FRMD5: variants seen among roughly 807,000 people sequenced by gnomAD.
The protein encoded by FRMD5 is FERM domain containing 5.
FRMD5 carries 20 observed loss-of-function variants against 69.0 expected under a neutral mutation model. That is an observed-to-expected ratio of 0.29 (90% CI 0.20 to 0.42). The LOEUF (loss-of-function observed/expected upper bound fraction) is 0.42. Among genes scored for constraint, FRMD5 ranks in the 10% least tolerant of loss-of-function variants. The pLI, the probability that FRMD5 is intolerant of heterozygous loss-of-function variation, is 1.00. For missense variants in FRMD5, 595 were observed against 708.6 expected (o/e 0.84, Z 1.82); for synonymous variants, 271 against 260.1 (o/e 1.04, Z -0.40).
rs779307057 is a variant in FRMD5, at chr15:43,909,834, A to G, written c.427+48T>C. 22 of 1,094,046 alleles carry G rather than the reference A, an allele frequency of 2.0e-5. No individual in the cohort carries two copies. The South Asian group carries it at 2.8e-4, about 14-fold the overall frequency. The allele number at this position is 1,094,046 out of a possible 1,614,324, so 67.8% of individuals were successfully genotyped here. ...ATCAGTGCTAACTGAAAATAATGTA[A>G]TCAGTACTTGGCATGAAAAGCAAAC... On this transcript the variant is annotated intron_variant, in intron 5 of 13. Coordinates refer to ENST00000417257, the MANE Select transcript of FRMD5 (RefSeq NM_032892.5).
At chr15:44,100,720 A>G (rs1364118138) in intron 1 of FRMD5, among the ~76,000 whole-genome samples, 1 of 152,188 alleles carries the variant, frequency 6.6e-6, no homozygotes, top group African/African-American at 2.4e-5. Flanking sequence ...AGATAGCTTG[A>G]CTTCTGAGAC....
intron 1 of FRMD5, among the ~76,000 whole-genome samples, chr15:44,022,298 G>A (rs1390736481): frequency 6.7e-6 from 1 of 149,604 alleles, no homozygotes; most frequent in African/African-American, 2.5e-5. Context: ...GGGTGCAGTT[G>A]CTCATGCGTG....
At chr15:43,881,087 T>G (rs2088514770) in intron 13 of FRMD5, among the ~76,000 whole-genome samples, 1 of 152,200 alleles carries the variant, frequency 6.6e-6, no homozygotes, top group Non-Finnish European at 1.5e-5. Flanking sequence ...AATGCTGGTT[T>G]CCTGGACATT....
chr15:43,886,088 TA>T (rs1351624591), intron 10 of FRMD5, among the ~76,000 whole-genome samples: 1 of 152,218 alleles, frequency 6.6e-6, no homozygotes, highest in Non-Finnish European at 1.5e-5. Context: ...AATGCCCATC[TA>T]ATCTCAGCCA....
At chr15:44,092,898 AG>A (rs2076493142) in intron 1 of FRMD5, among the ~76,000 whole-genome samples, 1 of 143,362 alleles carries the variant, frequency 7.0e-6, no homozygotes, top group Non-Finnish European at 1.5e-5. Flanking sequence ...TTTGCATTAT[AG>A]TAATTGTATA....
chr15:44,158,548 C>A (rs1284281945), intron 1 of FRMD5, among the ~76,000 whole-genome samples: 1 of 152,136 alleles, frequency 6.6e-6, no homozygotes, highest in Non-Finnish European at 1.5e-5. Flanking sequence ...ATATTTGTCA[C>A]CTTATCCTAA....
At chr15:43,886,052 G>A (rs577458328) in intron 10 of FRMD5, among the ~76,000 whole-genome samples, 3 of 152,254 alleles carry the variant, frequency 2.0e-5, no homozygotes, top group Admixed American at 6.5e-5. Context: ...ATACATGCTC[G>A]GGTGGATGGT....
chr15:44,185,649 T>C (rs1299199302), intron 1 of FRMD5, among the ~76,000 whole-genome samples: 1 of 151,952 alleles, frequency 6.6e-6, no homozygotes. Flanking sequence ...AAAAATTAGC[T>C]GAGCGTGGTG....
At chr15:44,189,036 T>C (rs944696166) in intron 1 of FRMD5, among the ~76,000 whole-genome samples, 1 of 152,188 alleles carries the variant, frequency 6.6e-6, no homozygotes, top group East Asian at 1.9e-4. Flanking sequence ...TTGCCAAGCA[T>C]GTGGCCCAAT....
rs569173458 is a variant in FRMD5 at position 43,964,968 on chromosome 15, C to G, written c.103-40659G>C. Among the ~76,000 whole-genome samples, 8 of 152,078 alleles carry G rather than the reference C, an allele frequency of 5.3e-5. No individual in the cohort carries two copies. In the East Asian group the frequency reaches 1.5e-3, roughly 29 times the overall value. On this transcript the variant is annotated intron_variant, in intron 1 of 13. Coordinates refer to ENST00000417257, the MANE Select transcript of FRMD5 (RefSeq NM_032892.5). ...ATTAGGGTTGCTGTGAAATAAAGGGCAAGCAAAGAAAGAGGATATGACTGA... is the reference window on the plus strand; with the variant it reads ...ATTAGGGTTGCTGTGAAATAAAGGGGAAGCAAAGAAAGAGGATATGACTGA...
intron 1 of FRMD5, among the ~76,000 whole-genome samples, chr15:44,172,063 C>T (rs1268329286): frequency 6.6e-6 from 1 of 151,350 alleles, no homozygotes; most frequent in Non-Finnish European, 1.5e-5. Context: ...CATACCCAGC[C>T]TCTGCTGGCT....
rs139902053 is a variant in FRMD5, at chr15:43,952,726, T to C, written c.103-28417A>G. ...TTCAAAGGGGCATGTGTGGCCAGTA[T>C]GCAGCCATGCGGTCAGCACGCAGCT... On this transcript the variant is annotated intron_variant, in intron 1 of 13. Transcript: ENST00000417257. 2.9e-3 allele frequency among the ~76,000 whole-genome samples: 444 copies of C among 152,376 alleles called. 2 individuals carry two copies. Among genetic ancestry groups the C allele is most frequent in the Non-Finnish European group, 5.4e-3 (369 of 68,040 alleles).
intron 1 of FRMD5, among the ~76,000 whole-genome samples, chr15:43,928,574 T>C (rs2089624735): frequency 6.6e-6 from 1 of 152,234 alleles, no homozygotes; most frequent in Non-Finnish European, 1.5e-5. Flanking sequence ...TACAACTTCC[T>C]GGGCTTGTGG....
At chr15:43,902,653 A>G (rs1338973306) in intron 6 of FRMD5, among the ~76,000 whole-genome samples, 3 of 149,326 alleles carry the variant, frequency 2.0e-5, no homozygotes, top group African/African-American at 5.0e-5. Flanking sequence ...TCACAGCCCT[A>G]CACTCCACCC....
intron 13 of FRMD5, among the ~76,000 whole-genome samples, chr15:43,875,640 G>A (rs532328688): frequency 6.6e-6 from 1 of 151,226 alleles, no homozygotes; most frequent in African/African-American, 2.4e-5. Context: ...ACCACACCCA[G>A]CTAATTTTTT....
At chr15:44,051,429 G>T (rs1387726425) in intron 1 of FRMD5, among the ~76,000 whole-genome samples, 2 of 151,030 alleles carry the variant, frequency 1.3e-5, no homozygotes, top group East Asian at 2.0e-4. Context: ...CAGTTTTAAA[G>T]ATATTACAGT....
chr15:44,013,577 T>C (rs894671942), intron 1 of FRMD5, among the ~76,000 whole-genome samples: 2 of 152,346 alleles, frequency 1.3e-5, no homozygotes, highest in Admixed American at 1.3e-4. Flanking sequence ...TATACTATTC[T>C]GAAAGTAATA....
At chr15:44,180,651 G>C (rs959457621) in intron 1 of FRMD5, among the ~76,000 whole-genome samples, 1 of 152,060 alleles carries the variant, frequency 6.6e-6, no homozygotes, top group Non-Finnish European at 1.5e-5. Context: ...CAGGCGTGGT[G>C]GTGGGCACCT....
intron 1 of FRMD5, among the ~76,000 whole-genome samples, chr15:44,179,132 G>A (rs191924610): frequency 6.6e-6 from 1 of 152,146 alleles, no homozygotes; most frequent in Non-Finnish European, 1.5e-5. Context: ...TATTAGCATA[G>A]GTACAATAAT....
Sources: gnomAD v4.1 joint callset for allele counts (sites outside exome capture counted in the v4.1 genomes callset) on GRCh38, gnomAD v4.1.1 for gene constraint, MANE v1.5 for transcripts, NCBI Gene and HGNC (gene_info 2026-07-23, HGNC 2026-07-21) for gene names.